Variants in LINGO2 observed in about 807,000 individuals in gnomAD.
LINGO2 encodes leucine-rich repeat and immunoglobulin-like domain-containing nogo receptor-interacting protein 2.
LINGO2 carries 14 observed loss-of-function variants against 30.6 expected under a neutral mutation model. The ratio of observed to expected loss-of-function variants is 0.46; its 90% CI spans 0.30 to 0.72. The LOEUF is 0.72. Among genes scored for constraint, LINGO2 ranks in the 30% least tolerant of loss-of-function variants. The pLI, the probability that LINGO2 is intolerant of heterozygous loss-of-function variation, is 0.07. For missense variants in LINGO2, 729 were observed against 751.7 expected (o/e 0.97, Z 0.35); for synonymous variants, 317 against 288.5 (o/e 1.10, Z -1.00).
the LINGO2 span, among the ~76,000 whole-genome samples, chr9:29,148,026 GC>G: frequency 2.0e-5 from 3 of 151,970 alleles, no homozygotes; most frequent in Non-Finnish European, 4.4e-5. Flanking sequence ...CTGAAGAGTA[GC>G]CAATTTTGTA....
the LINGO2 span, among the ~76,000 whole-genome samples, chr9:29,044,811 C>G: frequency 2.0e-5 from 3 of 151,974 alleles, no homozygotes; most frequent in African/African-American, 7.2e-5. Context: ...CTGGAGCCTA[C>G]GTACACTGCT....
intron 4 of LINGO2, among the ~76,000 whole-genome samples, chr9:28,261,011 A>C (rs1822545682): frequency 6.6e-6 from 1 of 152,094 alleles, no homozygotes; most frequent in African/African-American, 2.4e-5. Context: ...TACAAGTAGG[A>C]TACATGTAAA....
At chr9:29,111,075 G>A in the LINGO2 span, among the ~76,000 whole-genome samples, 1 of 152,122 alleles carries the variant, frequency 6.6e-6, no homozygotes, top group East Asian at 1.9e-4. Context: ...CCATAAAAGG[G>A]GTCCTATTTA....
chr9:28,598,508 G>A (rs1051484103), intron 1 of LINGO2, among the ~76,000 whole-genome samples: 6 of 151,784 alleles, frequency 4.0e-5, no homozygotes, highest in Non-Finnish European at 8.8e-5. Flanking sequence ...CCAGACTCCA[G>A]GGAAAATAGC....
chr9:28,652,115 C>T (rs576667796), intron 1 of LINGO2, among the ~76,000 whole-genome samples: 1 of 152,060 alleles, frequency 6.6e-6, no homozygotes, highest in African/African-American at 2.4e-5. Context: ...TGCCTTTTTT[C>T]TATTCTATAA....
chr9:28,917,353 T>C, the LINGO2 span, among the ~76,000 whole-genome samples: 1 of 152,152 alleles, frequency 6.6e-6, no homozygotes, highest in Non-Finnish European at 1.5e-5. Context: ...CTCACATTTA[T>C]TGTCTTTCTC....
At chr9:27,949,660 C>T (rs1563845797) in exon 6 of LINGO2, 2 of 1,614,082 alleles carry the variant, frequency 1.2e-6, no homozygotes, top group South Asian at 1.1e-5. Flanking sequence ...AAGACATTCT[C>T]TTCCAAAGTT....
chr9:28,041,922 G>A (rs1016587569), intron 4 of LINGO2, among the ~76,000 whole-genome samples: 25 of 152,156 alleles, frequency 1.6e-4, no homozygotes, highest in African/African-American at 6.0e-4. Context: ...TCAATGAGGT[G>A]CAGTAGAAAT....
chr9:29,005,203 T>C, the LINGO2 span, among the ~76,000 whole-genome samples: 9 of 151,950 alleles, frequency 5.9e-5, no homozygotes, highest in African/African-American at 2.2e-4. Context: ...GCAAAATAAT[T>C]TGCTTAAAAA....
intron 3 of LINGO2, among the ~76,000 whole-genome samples, chr9:28,359,896 G>C (rs1028776682): frequency 2.0e-5 from 3 of 152,130 alleles, no homozygotes; most frequent in African/African-American, 7.2e-5. Context: ...TTTACCCTAG[G>C]GGCTGAGGCA....
chr9:29,102,128 T>C, the LINGO2 span, among the ~76,000 whole-genome samples: 1 of 151,760 alleles, frequency 6.6e-6, no homozygotes. Context: ...GTCGCCCAGG[T>C]TGGAGAGCAG....
chr9:28,988,905 T>A, the LINGO2 span, among the ~76,000 whole-genome samples: 5 of 152,200 alleles, frequency 3.3e-5, no homozygotes, highest in Non-Finnish European at 7.3e-5. Context: ...AGTATTGGGA[T>A]TTTCAAAACT....
intron 2 of LINGO2, among the ~76,000 whole-genome samples, chr9:28,427,136 A>G (rs1306878537): frequency 6.6e-6 from 1 of 152,098 alleles, no homozygotes; most frequent in Non-Finnish European, 1.5e-5. Flanking sequence ...AAAACCGCAC[A>G]TGAGCACTTC....
At chr9:29,134,172 A>T in the LINGO2 span, among the ~76,000 whole-genome samples, 2 of 152,210 alleles carry the variant, frequency 1.3e-5, no homozygotes, top group African/African-American at 4.8e-5. Context: ...AGTCTGTAAA[A>T]CCAAATAAAG....
At chr9:28,909,274 C>A in the LINGO2 span, among the ~76,000 whole-genome samples, 4 of 151,800 alleles carry the variant, frequency 2.6e-5, no homozygotes, top group African/African-American at 9.7e-5. Flanking sequence ...AACAGCACAA[C>A]AGAGTTTATC....
chr9:29,067,271 A>T, the LINGO2 span, among the ~76,000 whole-genome samples: 1 of 151,790 alleles, frequency 6.6e-6, no homozygotes, highest in South Asian at 2.1e-4. Flanking sequence ...CACACTATAG[A>T]TAATTCAGAT....
chr9:29,003,114 T>A, the LINGO2 span, among the ~76,000 whole-genome samples: 146 of 151,538 alleles, frequency 9.6e-4, no homozygotes, highest in African/African-American at 3.3e-3. Flanking sequence ...ACGCTAAGAG[T>A]AAGGAATGGA....
In LINGO2 at chr9:28,525,382, A is replaced by C. The variant is rs537001386; in HGVS notation, c.-364-49357T>G. ...ATGAAAAACTTGTACATGAATGTTCATAATAATCAAAAAGTGGAAACAACC... is the reference window on the plus strand; with the variant it reads ...ATGAAAAACTTGTACATGAATGTTCCTAATAATCAAAAAGTGGAAACAACC... On this transcript the variant is annotated intron_variant, in intron 1 of 5. Transcript: ENST00000379992. Among the ~76,000 whole-genome samples, 18 of 152,356 alleles carry C rather than the reference A, an allele frequency of 1.2e-4. No individual in the cohort carries two copies. In the South Asian group the frequency reaches 3.7e-3, roughly 32 times the overall value.
At chr9:28,207,152 C>T (rs1336091063) in intron 4 of LINGO2, among the ~76,000 whole-genome samples, 1 of 152,046 alleles carries the variant, frequency 6.6e-6, no homozygotes, top group African/African-American at 2.4e-5. Context: ...GATAATTTTT[C>T]ACTTTAAATA....
Sources: allele counts gnomAD v4.1 joint callset (sites outside exome capture counted in the v4.1 genomes callset), GRCh38; gene constraint gnomAD v4.1.1; transcripts MANE v1.5; gene names NCBI Gene and HGNC (gene_info 2026-07-23, HGNC 2026-07-21).